Variants in PIAS1 observed in about 807,000 individuals in gnomAD.
PIAS1 encodes the protein E3 SUMO-protein ligase PIAS1.
A neutral mutation model predicts 71.3 loss-of-function variants in PIAS1; 6 were observed. That is an observed-to-expected ratio of 0.08 (90% CI 0.05 to 0.17). The LOEUF (loss-of-function observed/expected upper bound fraction) is 0.17. Among genes scored for constraint, PIAS1 ranks in the 10% least tolerant of loss-of-function variants. The pLI is 1.00. For missense variants in PIAS1, 555 were observed against 793.6 expected (o/e 0.70, Z 3.61); for synonymous variants, 303 against 292.9 (o/e 1.03, Z -0.35).
At position 68,054,503 on chromosome 15, in the gene PIAS1, A is replaced by G. The variant is rs896124603; in HGVS notation, c.24+153A>G. Reference sequence around the variant, plus strand: ...AGAGAGGCGCGCCCGGTCTCAGCAGAGGGGGCCCGCCTGCGGCGGGCCGCG... The same window carrying G: ...AGAGAGGCGCGCCCGGTCTCAGCAGGGGGGGCCCGCCTGCGGCGGGCCGCG... On this transcript the variant is annotated intron_variant, in intron 1 of 13. Coordinates refer to ENST00000249636, the MANE Select transcript of PIAS1 (RefSeq NM_016166.3). This position sits in a 1 kb window ranked among gnomAD's most constrained non-coding sequence, Gnocchi z 4.6. 2.3e-5 allele frequency: 15 copies of G among 648,260 alleles called. No homozygotes were observed. Among genetic ancestry groups the G allele is most frequent in the South Asian group, 1.1e-4 (4 of 37,900 alleles). The allele number at this position is 648,260 out of a possible 1,614,324, so 40.2% of individuals were successfully genotyped here. A position where few individuals can be genotyped will look rare whatever the true frequency, so the allele number is the denominator to read the frequency against.
chr15:68,184,455 T>C (rs1295674962), intron 13 of PIAS1: 35 of 152,210 alleles, frequency 2.3e-4, no homozygotes, highest in Admixed American at 2.3e-3. Flanking sequence ...AACATATCCC[T>C]CTCAGCACCA....
At position 68,054,626 on chromosome 15, in the gene PIAS1, G is replaced by A. The variant is rs1371678735; in HGVS notation, c.24+276G>A. On this transcript the variant is annotated intron_variant, in intron 1 of 13. Transcript: ENST00000249636. This position sits in a 1 kb window ranked among gnomAD's most constrained non-coding sequence, Gnocchi z 4.6. ...TGGCGGGGGAAGAGATAGGGAGTCC[G>A]GAGGTAGGGGCTGCAGCTGTCTCAT... 1.1e-5 allele frequency: 4 copies of A among 375,610 alleles called. No homozygotes were observed. In the East Asian group the frequency reaches 1.8e-4, roughly 17 times the overall value. 23.3% of individuals were successfully genotyped at this position (375,610 alleles called of 1,614,324 possible).
intron 1 of PIAS1, among the ~76,000 whole-genome samples, chr15:68,083,597 G>C (rs982607325): frequency 6.6e-6 from 1 of 151,950 alleles, no homozygotes; most frequent in Non-Finnish European, 1.5e-5. Context: ...CATGTGGTTC[G>C]TTTCCTCTTA....
At chr15:68,134,659 GGGC>G (rs2092709792) in intron 2 of PIAS1, among the ~76,000 whole-genome samples, 1 of 37,930 alleles carries the variant, frequency 2.6e-5, no homozygotes, top group South Asian at 8.1e-4. Flanking sequence ...GCGGCTGGCC[GGGC>G]GGGGGGATGA....
At chr15:68,150,419 C>T (rs1316678688) in intron 6 of PIAS1, among the ~76,000 whole-genome samples, 1 of 152,086 alleles carries the variant, frequency 6.6e-6, no homozygotes, top group Non-Finnish European at 1.5e-5. Flanking sequence ...TTTTCCAAAG[C>T]CCAGAAAATA....
At position 68,065,854 on chromosome 15, in the gene PIAS1, C is replaced by T. The variant is rs187798746; in HGVS notation, c.24+11504C>T. 1.2e-4 allele frequency among the ~76,000 whole-genome samples: 18 copies of T among 146,928 alleles called. No homozygotes were observed. In the Admixed American group the frequency reaches 1.2e-3, roughly 10 times the overall value. On this transcript the variant is annotated intron_variant, in intron 1 of 13. Coordinates refer to ENST00000249636, the MANE Select transcript of PIAS1 (RefSeq NM_016166.3). ...CTCCTGGGCTCAAATGATCCTTCCA[C>T]CTCAGCCTCCTGAGTAGCTAGGACT... is the stretch of plus-strand genomic sequence containing the variant.
chr15:68,148,025 A>G (rs1245518169), intron 6 of PIAS1, among the ~76,000 whole-genome samples: 1 of 152,188 alleles, frequency 6.6e-6, no homozygotes, highest in Non-Finnish European at 1.5e-5. Flanking sequence ...ATAGGGAGGG[A>G]AAAAAGTTCA....
At chr15:68,142,625 GC>G (rs994165335) in intron 4 of PIAS1, among the ~76,000 whole-genome samples, 6 of 48,278 alleles carry the variant, frequency 1.2e-4, no homozygotes, top group African/African-American at 4.2e-4. Context: ...TTTTTCCCCT[GC>G]CCGCCCACCC....
intron 12 of PIAS1, among the ~76,000 whole-genome samples, chr15:68,182,668 C>T (rs2093062563): frequency 6.6e-6 from 1 of 152,302 alleles, no homozygotes; most frequent in Admixed American, 6.5e-5. Flanking sequence ...GATTCGCCTG[C>T]CTTCGCTTCC....
chr15:68,138,854 A>C (rs1323454202), intron 2 of PIAS1, among the ~76,000 whole-genome samples: 1 of 152,162 alleles, frequency 6.6e-6, no homozygotes, highest in African/African-American at 2.4e-5. Flanking sequence ...TAATTCTGAA[A>C]TCTTTACTAA....
chr15:68,151,689 C>CAA (rs2092846131), intron 6 of PIAS1, among the ~76,000 whole-genome samples: 1 of 61,182 alleles, frequency 1.6e-5, no homozygotes, highest in African/African-American at 6.0e-5. Flanking sequence ...ACAAAACACA[C>CAA]ACACACACAC....
At chr15:68,094,204 C>T (rs531400048) in intron 2 of PIAS1, among the ~76,000 whole-genome samples, 2 of 150,886 alleles carry the variant, frequency 1.3e-5, no homozygotes, top group African/African-American at 2.4e-5. Flanking sequence ...GGATAGTATA[C>T]CAATAATTCT....
rs2093086917 is a variant in PIAS1 at position 68,186,237 on chromosome 15, G to A, written c.1663-1305G>A. ...CCCTGAAGACCATGCAGTGGGACAA[G>A]CTGTGCAGATGGAAGACAGTGACAT... On this transcript the variant is annotated intron_variant, in intron 13 of 13. Coordinates refer to ENST00000249636, the MANE Select transcript of PIAS1 (RefSeq NM_016166.3). The surrounding 1 kb of genome is among the most constrained non-coding windows in gnomAD (Gnocchi z 4.4). Among the ~76,000 whole-genome samples the A allele has an allele frequency of 6.6e-6, 1 of 152,204 alleles. No individual in the cohort carries two copies. The highest frequency in any genetic ancestry group is 1.5e-5 in the Non-Finnish European group (1 of 68,032).
intron 2 of PIAS1, among the ~76,000 whole-genome samples, chr15:68,118,288 C>G (rs1046873508): frequency 2.6e-5 from 4 of 151,352 alleles, no homozygotes; most frequent in African/African-American, 9.7e-5. Flanking sequence ...GCCACTACAC[C>G]CCAGCCTGGA....
At chr15:68,119,381 G>A (rs2092595112) in intron 2 of PIAS1, among the ~76,000 whole-genome samples, 1 of 151,484 alleles carries the variant, frequency 6.6e-6, no homozygotes, top group South Asian at 2.1e-4. Flanking sequence ...GGAGGCTGAG[G>A]TTGCAGTGAG....
At chr15:68,102,997 G>T (rs543409958) in intron 2 of PIAS1, among the ~76,000 whole-genome samples, 21 of 151,544 alleles carry the variant, frequency 1.4e-4, no homozygotes, top group African/African-American at 5.1e-4. Context: ...GCACAGTCTC[G>T]GCTCACTGCA....
intron 2 of PIAS1, among the ~76,000 whole-genome samples, chr15:68,131,816 G>GAATA (rs2092689312): frequency 6.6e-6 from 1 of 152,078 alleles, no homozygotes; most frequent in Non-Finnish European, 1.5e-5. Flanking sequence ...CAATGAACAT[G>GAATA]GGAGTGTAGA....
intron 2 of PIAS1, among the ~76,000 whole-genome samples, chr15:68,126,405 A>C (rs1196570059): frequency 6.6e-6 from 1 of 152,116 alleles, no homozygotes; most frequent in African/African-American, 2.4e-5. Flanking sequence ...ATACATATAA[A>C]ATACAGATGT....
Position 68,173,746 on chromosome 15 carries a change from G to C in PIAS1, c.1023G>C (p.Arg341=), listed in dbSNP as rs374997519. ...CCTTTTTAAAGCTTGGTAAAATGCG[G>C]CTGACAATTCCGTGTCGGGCCCTTA... ...VSLLCPLGKM[R]LTIPCRALTC... The change falls in exon 9 of 14, where the codon CGG becomes CGC. Residue 341 remains arginine (R), a synonymous_variant. Coordinates refer to ENST00000249636, the MANE Select transcript of PIAS1 (RefSeq NM_016166.3). This position sits in a 1 kb window ranked among gnomAD's most constrained non-coding sequence, Gnocchi z 4.3. 111 of 1,537,762 alleles carry C rather than the reference G, an allele frequency of 7.2e-5. 1 individual carries two copies. Among genetic ancestry groups the C allele is most frequent in the Non-Finnish European group, 1.9e-5 (21 of 1,132,200 alleles).
Sources: gnomAD v4.1 joint callset for allele counts (sites outside exome capture counted in the v4.1 genomes callset) on GRCh38, gnomAD v4.1.1 for gene constraint, Gnocchi (gnomAD v3.1) non-coding constraint, MANE v1.5 for transcripts, NCBI Gene and HGNC (gene_info 2026-07-23, HGNC 2026-07-21) for gene names.